The following PIGN variants were observed in gnomAD, a reference collection of about 807,000 sequenced individuals.
The protein encoded by PIGN is phosphatidylinositol glycan anchor biosynthesis class N, also known as GPI ethanolamine phosphate transferase 1.
A neutral mutation model predicts 125.4 loss-of-function variants in PIGN; 117 were observed. That is an observed-to-expected ratio of 0.93 (90% CI 0.80 to 1.09). The LOEUF is 1.09. PIGN is among the 50% of genes least tolerant of loss of function. The probability of loss-of-function intolerance (pLI) is 0.00; values close to 1 mark genes in which losing one functional copy is unlikely to be tolerated. For missense variants in PIGN, 1,075 were observed against 1,094.9 expected, an observed-to-expected ratio of 0.98 and a Z score of 0.26; for synonymous variants, 392 against 377.8, an observed-to-expected ratio of 1.04 and a Z score of -0.44.
chr18:62,022,653 A>C (rs938469821), intron 23 of PIGN, among the ~76,000 whole-genome samples: 1 of 152,194 alleles, frequency 6.6e-6, no homozygotes, highest in Non-Finnish European at 1.5e-5. Context: ...AATCTCTCTT[A>C]CTGTTGGTTT....
Position 62,143,377 on chromosome 18 carries a change from T to C in PIGN, c.923-31A>G, listed in dbSNP as rs1180946838. On this transcript the variant is annotated intron_variant, in intron 10 of 30. Transcript: ENST00000640252. ...AGATACAATCAGACACAAGATCTGA[T>C]GTTAAGATTTAAAAAAGAATAAATC... is the stretch of plus-strand genomic sequence containing the variant. 3.0e-6 allele frequency: 4 copies of C among 1,352,914 alleles called. No individual in the cohort carries two copies. In the Admixed American group the frequency reaches 7.6e-5, roughly 26 times the overall value. 83.8% of individuals were successfully genotyped at this position (1,352,914 alleles called of 1,614,324 possible). A position where few individuals can be genotyped will look rare whatever the true frequency, so the allele number is the denominator to read the frequency against.
intron 28 of PIGN, among the ~76,000 whole-genome samples, chr18:62,078,752 G>A (rs558842305): frequency 6.6e-6 from 1 of 152,266 alleles, no homozygotes; most frequent in South Asian, 2.1e-4. Context: ...TAGATCCTAT[G>A]AGTTTCCTCG....
chr18:62,164,068 C>T (rs568193075), intron 1 of PIGN, among the ~76,000 whole-genome samples: 1 of 152,116 alleles, frequency 6.6e-6, no homozygotes, highest in Non-Finnish European at 1.5e-5. Flanking sequence ...TTTTGGTTAT[C>T]CAGTCACTTA....
chr18:62,063,291 A>G (rs1042516082), intron 30 of PIGN, among the ~76,000 whole-genome samples: 2 of 145,154 alleles, frequency 1.4e-5, no homozygotes, highest in Non-Finnish European at 3.0e-5. Flanking sequence ...TATAGATTTT[A>G]GCCAAAATCT....
downstream of PIGN, among the ~76,000 whole-genome samples, chr18:62,040,862 A>C (rs1198345122): frequency 1.3e-5 from 2 of 152,236 alleles, no homozygotes; most frequent in African/African-American, 2.4e-5. Context: ...CACATTAGTC[A>C]AATTCACTGA....
At chr18:62,167,899 T>G (rs956670673) in intron 1 of PIGN, among the ~76,000 whole-genome samples, 3 of 151,998 alleles carry the variant, frequency 2.0e-5, no homozygotes, top group Admixed American at 2.0e-4. Context: ...ACTTTTAAAT[T>G]CTGATTAAGT....
At chr18:62,074,335 T>C (rs1233632334) in intron 29 of PIGN, among the ~76,000 whole-genome samples, 1 of 152,232 alleles carries the variant, frequency 6.6e-6, no homozygotes, top group Non-Finnish European at 1.5e-5. Flanking sequence ...TCAGAACTCA[T>C]TTATTGCAGC....
At chr18:62,144,270 A>T (rs2036240211) in intron 10 of PIGN, among the ~76,000 whole-genome samples, 1 of 152,206 alleles carries the variant, frequency 6.6e-6, no homozygotes, top group Non-Finnish European at 1.5e-5. Context: ...TTCTATTTTG[A>T]TCCAATCTAA....
downstream of PIGN, among the ~76,000 whole-genome samples, chr18:62,039,001 T>C (rs2030299256): frequency 6.6e-6 from 1 of 151,208 alleles, no homozygotes; most frequent in Admixed American, 6.6e-5. Context: ...GGAAGAAAAA[T>C]GTTATACACA....
At chr18:62,186,511 C>G (rs909841165) in intron 1 of PIGN, among the ~76,000 whole-genome samples, 1 of 152,190 alleles carries the variant, frequency 6.6e-6, no homozygotes. Flanking sequence ...CGACGATGTT[C>G]CCAGATCCAG....
At chr18:62,175,862 T>C (rs2037506929) in intron 1 of PIGN, among the ~76,000 whole-genome samples, 2 of 152,100 alleles carry the variant, frequency 1.3e-5, no homozygotes, top group Non-Finnish European at 2.9e-5. Flanking sequence ...CAAAGAGAAA[T>C]TTTACTTATT....
chr18:62,138,204 TCTTTC>T (rs1263937119), intron 14 of PIGN, 34 bp downstream of exon 14: 43 of 1,537,554 alleles, frequency 2.8e-5, no homozygotes, highest in Non-Finnish European at 3.6e-5. Flanking sequence ...AGTGGAAAAT[TCTTTC>T]CTTCAAGTTA....
intron 23 of PIGN, among the ~76,000 whole-genome samples, chr18:62,091,958 G>A (rs1363861785): frequency 6.6e-6 from 1 of 152,062 alleles, no homozygotes; most frequent in Non-Finnish European, 1.5e-5. Flanking sequence ...TCCTTTTTGA[G>A]TCTTTCAACT....
rs1339284587 is a variant in PIGN at position 62,105,631 on chromosome 18, T to C, written c.1771A>G (p.Thr591Ala). The change falls in exon 20 of 31, where the codon ACC (threonine) becomes GCC (alanine). Residue 591 changes from threonine (T) to alanine (A), a missense_variant. This residue lies in a region of PIGN where 915 missense variants were observed against 908.7 expected (regional missense o/e 1.01). Coordinates refer to ENST00000640252, the MANE Select transcript of PIGN (RefSeq NM_176787.5). The stretch of plus-strand genomic sequence containing the variant: ...GAGAAGAAAGTCCAACTCAGTGAGG[T>C]CATCTAAAATCAAGAAAAAAGTTAT... Reference protein sequence around the residue: ...LTRLWTRAKMTSLSWTFFSLL... With the variant: ...LTRLWTRAKMASLSWTFFSLL... The C allele has an allele frequency of 2.6e-6, 4 of 1,529,370 alleles. No homozygotes were observed. The Admixed American group carries it at 6.3e-5, about 24-fold the overall frequency. The allele number at this position is 1,529,370 out of a possible 1,614,324, so 94.7% of individuals were successfully genotyped here. A position where few individuals can be genotyped will look rare whatever the true frequency, so the allele number is the denominator to read the frequency against.
chr18:62,186,585 G>A (rs2038036880), intron 1 of PIGN, among the ~76,000 whole-genome samples: 1 of 152,180 alleles, frequency 6.6e-6, no homozygotes, highest in Admixed American at 6.5e-5. Context: ...CCCACCCACA[G>A]GCAGGACCAC....
At chr18:62,157,315 T>C in intron 5 of PIGN, 88 bp from the exon 6 acceptor site, 1 of 643,648 alleles carries the variant, frequency 1.6e-6, no homozygotes, top group East Asian at 2.8e-5. Flanking sequence ...AACAATTACA[T>C]TAGTCAGTGA....
intron 4 of PIGN, among the ~76,000 whole-genome samples, chr18:62,159,225 CAG>C (rs2036852998): frequency 6.6e-6 from 1 of 152,188 alleles, no homozygotes; most frequent in South Asian, 2.1e-4. Context: ...GCCTGGGCGA[CAG>C]AGTGAGACTC....
chr18:62,050,459 G>A (rs1378829391), intron 30 of PIGN, among the ~76,000 whole-genome samples: 1 of 152,106 alleles, frequency 6.6e-6, no homozygotes, highest in East Asian at 1.9e-4. Context: ...TCTCTTTGAA[G>A]CAACTGTGAA....
At chr18:62,129,997 G>A (rs555921298) in intron 14 of PIGN, among the ~76,000 whole-genome samples, 17 of 152,152 alleles carry the variant, frequency 1.1e-4, no homozygotes, top group Non-Finnish European at 2.5e-4. Context: ...TGGAGACAGA[G>A]ACACAAGGAA....
Sources: allele counts gnomAD v4.1 joint callset (sites outside exome capture counted in the v4.1 genomes callset), GRCh38; gene constraint gnomAD v4.1.1; regional missense constraint gnomAD v4.1.1; transcripts MANE v1.5; gene names NCBI Gene and HGNC (gene_info 2026-07-23, HGNC 2026-07-21).